Variants in NCKAP5 observed in about 807,000 individuals in gnomAD.
NCKAP5 encodes the protein NCK associated protein 5.
NCKAP5 carries 92 observed loss-of-function variants against 167.0 expected under a neutral mutation model. The observed-to-expected ratio is 0.55, with a 90% CI of 0.47 to 0.66. The LOEUF (loss-of-function observed/expected upper bound fraction) is 0.66. Among genes scored for constraint, NCKAP5 ranks in the 30% least tolerant of loss-of-function variants. The probability of loss-of-function intolerance (pLI) is 0.00; values close to 1 mark genes in which losing one functional copy is unlikely to be tolerated. For missense variants in NCKAP5, 2,378 were observed against 2,315.0 expected, an observed-to-expected ratio of 1.03 and a Z score of -0.56; for synonymous variants, 891 against 877.4, an observed-to-expected ratio of 1.02 and a Z score of -0.27.
chr2:133,604,315 C>T, the NCKAP5 span, among the ~76,000 whole-genome samples: 1 of 152,154 alleles, frequency 6.6e-6, no homozygotes, highest in Non-Finnish European at 1.5e-5. Flanking sequence ...AAGGGATTCT[C>T]CTGCCTCAGC....
At chr2:132,881,067 T>C (rs886332878) in intron 8 of NCKAP5, among the ~76,000 whole-genome samples, 4 of 152,218 alleles carry the variant, frequency 2.6e-5, no homozygotes, top group Non-Finnish European at 4.4e-5. Flanking sequence ...AATAATGTCA[T>C]TGATAGCAAT....
At chr2:133,390,837 G>A (rs1687350190) in intron 3 of NCKAP5, among the ~76,000 whole-genome samples, 1 of 152,190 alleles carries the variant, frequency 6.6e-6, no homozygotes, top group African/African-American at 2.4e-5. Context: ...AGGATCTTCA[G>A]TGATTCCAGT....
intron 3 of NCKAP5, among the ~76,000 whole-genome samples, chr2:133,482,102 C>T: frequency 6.6e-6 from 1 of 152,146 alleles, no homozygotes; most frequent in East Asian, 1.9e-4. Flanking sequence ...TGGCTTATTT[C>T]ACTCAAGATA....
intron 5 of NCKAP5, among the ~76,000 whole-genome samples, chr2:133,152,885 C>T (rs1248598082): frequency 6.6e-6 from 1 of 152,102 alleles, no homozygotes; most frequent in Non-Finnish European, 1.5e-5. Flanking sequence ...ATATGCTATA[C>T]AGGTTTGTAG....
intron 7 of NCKAP5, among the ~76,000 whole-genome samples, chr2:132,975,353 T>G (rs1454381070): frequency 1.3e-5 from 2 of 152,190 alleles, no homozygotes; most frequent in African/African-American, 4.8e-5. Flanking sequence ...CACTGACATA[T>G]CAATCCACAT....
rs117406931 is a variant in NCKAP5 at position 133,035,595 on chromosome 2, T to C, written c.342-41356A>G. Among the ~76,000 whole-genome samples, 12 of 152,012 alleles carry C rather than the reference T, an allele frequency of 7.9e-5. No individual in the cohort carries two copies. In the East Asian group the frequency reaches 2.3e-3, roughly 29 times the overall value. On this transcript the variant is annotated intron_variant, in intron 6 of 19. Transcript: ENST00000409261. ...ACAATGGAATAAAACTTGAAATTAA[T>C]AATGAGAGGAATTTTGGAAACTATA...
At chr2:133,399,619 T>G (rs1347960232) in intron 3 of NCKAP5, among the ~76,000 whole-genome samples, 1 of 152,172 alleles carries the variant, frequency 6.6e-6, no homozygotes, top group African/African-American at 2.4e-5. Flanking sequence ...AAGAACAACT[T>G]TAACAGATTA....
intron 8 of NCKAP5, among the ~76,000 whole-genome samples, chr2:132,959,586 A>G (rs2149187424): frequency 6.6e-6 from 1 of 152,286 alleles, no homozygotes; most frequent in Non-Finnish European, 1.5e-5. Context: ...CTGCAGACAA[A>G]CAAATCATGT....
At chr2:133,564,652 G>C (rs1055517548) in intron 1 of NCKAP5, among the ~76,000 whole-genome samples, 1 of 152,170 alleles carries the variant, frequency 6.6e-6, no homozygotes, top group Non-Finnish European at 1.5e-5. Flanking sequence ...ACAGAGCAGG[G>C]AACGTTGTCA....
At chr2:133,228,222 A>T (rs1368541329) in intron 4 of NCKAP5, among the ~76,000 whole-genome samples, 1 of 152,230 alleles carries the variant, frequency 6.6e-6, no homozygotes, top group African/African-American at 2.4e-5. Flanking sequence ...AGAGTCTACC[A>T]CATGGGTCGA....
intron 17 of NCKAP5, 101 bp downstream of exon 17, chr2:132,731,636 T>G: frequency 7.7e-7 from 1 of 1,291,424 alleles, no homozygotes. Flanking sequence ...CATATCTACA[T>G]TTTTATCAGG....
chr2:133,248,636 T>TA (rs1327098543), intron 4 of NCKAP5, among the ~76,000 whole-genome samples: 2 of 152,238 alleles, frequency 1.3e-5, no homozygotes, highest in Non-Finnish European at 2.9e-5. Flanking sequence ...CTTAGTTTCC[T>TA]AGTTTATAAA....
At chr2:133,574,603 CTTTTTTTTTT>C in the NCKAP5 span, among the ~76,000 whole-genome samples, 220 of 127,222 alleles carry the variant, frequency 1.7e-3, 2 homozygotes, top group African/African-American at 6.1e-3. Context: ...TTCTTCTTTC[CTTTTTTTTTT>C]TTTTTTTTTG....
chr2:133,414,727 T>C (rs941121648), intron 3 of NCKAP5, among the ~76,000 whole-genome samples: 3 of 152,192 alleles, frequency 2.0e-5, no homozygotes, highest in African/African-American at 7.2e-5. Context: ...GCCATTCTAA[T>C]AGTGGTGCTT....
chr2:132,958,084 A>G (rs1272541230), intron 8 of NCKAP5, among the ~76,000 whole-genome samples: 1 of 152,194 alleles, frequency 6.6e-6, no homozygotes, highest in Non-Finnish European at 1.5e-5. Context: ...CCTTATGTCA[A>G]TGATTTTCTG....
At chr2:133,494,506 C>A (rs1037501032) in intron 3 of NCKAP5, among the ~76,000 whole-genome samples, 1 of 152,136 alleles carries the variant, frequency 6.6e-6, no homozygotes, top group African/African-American at 2.4e-5. Context: ...TGTCTGTACA[C>A]CAAAAATAAA....
At chr2:133,141,095 G>A (rs2082978864) in intron 5 of NCKAP5, among the ~76,000 whole-genome samples, 1 of 152,044 alleles carries the variant, frequency 6.6e-6, no homozygotes, top group Admixed American at 6.6e-5. Flanking sequence ...ACAACTTTTA[G>A]TCTTAATCCT....
the NCKAP5 span, among the ~76,000 whole-genome samples, chr2:133,667,959 C>G: frequency 6.6e-6 from 1 of 152,020 alleles, no homozygotes; most frequent in Non-Finnish European, 1.5e-5. Flanking sequence ...TTTTCCCAGC[C>G]TCTAGAAACA....
chr2:133,406,321 GA>G (rs1041456288), intron 3 of NCKAP5, among the ~76,000 whole-genome samples: 1 of 151,834 alleles, frequency 6.6e-6, no homozygotes, highest in Admixed American at 6.6e-5. Context: ...TGCTTTTGGA[GA>G]AAGATAAATG....
Sources: allele counts gnomAD v4.1 joint callset (sites outside exome capture counted in the v4.1 genomes callset), GRCh38; gene constraint gnomAD v4.1.1; transcripts MANE v1.5; gene names NCBI Gene and HGNC (gene_info 2026-07-23, HGNC 2026-07-21).